The following DPP10 variants were observed in gnomAD, a reference collection of about 807,000 sequenced individuals.
DPP10 encodes the protein inactive dipeptidyl peptidase 10.
Under a neutral mutation model 120.9 loss-of-function variants are expected in DPP10, and 33 were observed. That is an observed-to-expected ratio of 0.27 (90% CI 0.21 to 0.37). The LOEUF is 0.37. Among genes scored for constraint, DPP10 ranks in the 10% least tolerant of loss-of-function variants. The pLI, the probability that DPP10 is intolerant of heterozygous loss-of-function variation, is 1.00. For missense variants in DPP10, 816 were observed against 942.8 expected, an observed-to-expected ratio of 0.87 and a Z score of 1.76; for synonymous variants, 337 against 326.1, an observed-to-expected ratio of 1.03 and a Z score of -0.36.
At chr2:115,422,747 A>G (rs1267780771) in intron 3 of DPP10, among the ~76,000 whole-genome samples, 1 of 152,222 alleles carries the variant, frequency 6.6e-6, no homozygotes, top group Non-Finnish European at 1.5e-5. Flanking sequence ...GGTTAATTTA[A>G]GGATGAAATA....
At chr2:115,393,766 A>T (rs545982218) in intron 3 of DPP10, among the ~76,000 whole-genome samples, 3 of 152,316 alleles carry the variant, frequency 2.0e-5, no homozygotes, top group African/African-American at 7.2e-5. Flanking sequence ...TTCAGACTTG[A>T]TCTGTCTAGG....
intron 1 of DPP10, among the ~76,000 whole-genome samples, chr2:115,130,615 CA>C (rs1234702878): frequency 6.6e-6 from 1 of 152,070 alleles, no homozygotes; most frequent in Non-Finnish European, 1.5e-5. Context: ...TTCAAGACTT[CA>C]ACTACCAGAT....
chr2:114,716,381 A>G (rs1418256109), intron 1 of DPP10, among the ~76,000 whole-genome samples: 1 of 152,208 alleles, frequency 6.6e-6, no homozygotes, highest in Non-Finnish European at 1.5e-5. Flanking sequence ...TGTGTCAACC[A>G]CATATTGGGT....
chr2:114,828,419 C>G (rs578144781), intron 1 of DPP10: 22 of 152,120 alleles, frequency 1.4e-4, no homozygotes, highest in Middle Eastern at 3.2e-3. Flanking sequence ...TATACATAAA[C>G]ATGACATATT....
At chr2:115,696,429 A>G (rs1223317871) in intron 7 of DPP10, among the ~76,000 whole-genome samples, 1 of 152,224 alleles carries the variant, frequency 6.6e-6, no homozygotes, top group Non-Finnish European at 1.5e-5. Context: ...AGAAGCCACA[A>G]GACAGTGGGC....
chr2:115,019,814 T>C (rs1702937918), intron 1 of DPP10, among the ~76,000 whole-genome samples: 1 of 152,228 alleles, frequency 6.6e-6, no homozygotes, highest in African/African-American at 2.4e-5. Flanking sequence ...AACAGCAGAT[T>C]TCTCAGCAGA....
chr2:114,637,058 C>T (rs1412757742), intron 1 of DPP10, among the ~76,000 whole-genome samples: 3 of 151,824 alleles, frequency 2.0e-5, no homozygotes, highest in Non-Finnish European at 4.4e-5. Flanking sequence ...TTATTATTTA[C>T]TTTTTGAAGA....
chr2:115,679,805 A>G (rs1395129024), intron 5 of DPP10, among the ~76,000 whole-genome samples: 2 of 152,178 alleles, frequency 1.3e-5, no homozygotes, highest in African/African-American at 2.4e-5. Context: ...AGCTCACAGA[A>G]GTAAAGAGAA....
At chr2:114,586,284 A>C (rs1690974442) in intron 1 of DPP10, among the ~76,000 whole-genome samples, 1 of 151,974 alleles carries the variant, frequency 6.6e-6, no homozygotes, top group African/African-American at 2.4e-5. Context: ...ACAACAACAA[A>C]ATACCCACAT....
intron 1 of DPP10, among the ~76,000 whole-genome samples, chr2:114,500,223 C>G (rs969239283): frequency 2.0e-5 from 3 of 152,152 alleles, no homozygotes; most frequent in Non-Finnish European, 4.4e-5. Flanking sequence ...TGGATTGATT[C>G]CATTGACTAA....
At chr2:115,592,135 A>T (rs2082700480) in intron 5 of DPP10, among the ~76,000 whole-genome samples, 1 of 152,164 alleles carries the variant, frequency 6.6e-6, no homozygotes, top group African/African-American at 2.4e-5. Flanking sequence ...GTACAAATTT[A>T]TTTAATGTGT....
At chr2:115,414,843 C>T (rs1300621549) in intron 3 of DPP10, among the ~76,000 whole-genome samples, 1 of 152,170 alleles carries the variant, frequency 6.6e-6, no homozygotes, top group Non-Finnish European at 1.5e-5. Context: ...CCACTATTTG[C>T]AAGTCAAGTC....
intron 1 of DPP10, among the ~76,000 whole-genome samples, chr2:114,804,947 T>G (rs4254510): frequency 1.3e-5 from 2 of 151,910 alleles, no homozygotes; most frequent in Non-Finnish European, 2.9e-5. Flanking sequence ...CAAATCTCAA[T>G]TTGAATTGTA....
chr2:115,105,536 A>G (rs1444729994), intron 1 of DPP10, among the ~76,000 whole-genome samples: 8 of 152,142 alleles, frequency 5.3e-5, no homozygotes, highest in Non-Finnish European at 1.2e-4. Flanking sequence ...TACCATGGTG[A>G]CAGCACCAAG....
At chr2:115,555,198 ATTTCCT>A (rs2080132513) in intron 5 of DPP10, among the ~76,000 whole-genome samples, 1 of 152,048 alleles carries the variant, frequency 6.6e-6, no homozygotes, top group Non-Finnish European at 1.5e-5. Flanking sequence ...AGAATATATT[ATTTCCT>A]ATTTTATATG....
intron 1 of DPP10, among the ~76,000 whole-genome samples, chr2:115,032,174 T>C (rs1703886050): frequency 7.6e-6 from 1 of 131,368 alleles, no homozygotes. Flanking sequence ...TTCCTAGCAA[T>C]AGAGGGTAAC....
At chr2:115,378,397 T>G (rs2065988699) in intron 3 of DPP10, among the ~76,000 whole-genome samples, 1 of 151,314 alleles carries the variant, frequency 6.6e-6, no homozygotes, top group Non-Finnish European at 1.5e-5. Flanking sequence ...TTTTGTACAT[T>G]GATTTTGTGT....
At chr2:115,333,844 G>T (rs896822109) in intron 2 of DPP10, among the ~76,000 whole-genome samples, 1 of 151,902 alleles carries the variant, frequency 6.6e-6, no homozygotes, top group African/African-American at 2.4e-5. Context: ...TTTCTCTCTG[G>T]CTGCCCTTAA....
chr2:115,779,527 A>G (rs1682502429), intron 15 of DPP10, among the ~76,000 whole-genome samples: 1 of 152,048 alleles, frequency 6.6e-6, no homozygotes, highest in African/African-American at 2.4e-5. Flanking sequence ...CAGCAATCTC[A>G]TAATCTAAAT....
Sources: allele counts gnomAD v4.1 joint callset (sites outside exome capture counted in the v4.1 genomes callset), GRCh38; gene constraint gnomAD v4.1.1; transcripts MANE v1.5; gene names NCBI Gene and HGNC (gene_info 2026-07-23, HGNC 2026-07-21).